The following FGF14 variants were observed in gnomAD, a reference collection of about 807,000 sequenced individuals.
FGF14 encodes fibroblast growth factor 14.
Under a neutral mutation model 25.5 loss-of-function variants are expected in FGF14, and 5 were observed. That is an observed-to-expected ratio of 0.20 (90% CI 0.10 to 0.41). The LOEUF is 0.41. Among genes scored for constraint, FGF14 ranks in the 10% least tolerant of loss-of-function variants. The pLI is 1.00. For synonymous variants in FGF14, 138 were observed against 118.3 expected, an observed-to-expected ratio of 1.17 and a Z score of -1.08; for missense variants, 222 against 320.1, an observed-to-expected ratio of 0.69 and a Z score of 2.34.
At chr13:101,935,495 T>C (rs1436721984) in intron 1 of FGF14, among the ~76,000 whole-genome samples, 1 of 152,212 alleles carries the variant, frequency 6.6e-6, no homozygotes, top group Non-Finnish European at 1.5e-5. Flanking sequence ...GAGCGGTTTC[T>C]CCCATGCTGT....
intron 1 of FGF14, among the ~76,000 whole-genome samples, chr13:102,129,700 G>T (rs976718847): frequency 2.7e-4 from 41 of 152,154 alleles, no homozygotes; most frequent in Middle Eastern, 6.8e-3. Context: ...GATGGGGGTA[G>T]GGGGGAGGGA....
At chr13:102,089,170 CATTT>C (rs1566670931) in intron 1 of FGF14, among the ~76,000 whole-genome samples, 2 of 151,842 alleles carry the variant, frequency 1.3e-5, no homozygotes, top group African/African-American at 2.4e-5. Flanking sequence ...TGTTTGCATT[CATTT>C]GAGTCTAGCG....
intron 1 of FGF14, among the ~76,000 whole-genome samples, chr13:102,380,074 T>A (rs1161271067): frequency 6.6e-6 from 1 of 151,896 alleles, no homozygotes; most frequent in Non-Finnish European, 1.5e-5. Flanking sequence ...TTTCTTAATT[T>A]CTCAGAGCAC....
intron 3 of FGF14, among the ~76,000 whole-genome samples, chr13:101,855,987 T>C (rs1175809832): frequency 1.3e-5 from 2 of 151,602 alleles, no homozygotes; most frequent in African/African-American, 4.8e-5. Context: ...TCTTGTACAA[T>C]GTAATTTTAA....
rs113148775 is a variant in FGF14 at position 101,842,804 on chromosome 13, A to G, written c.408+25921T>C. Among the ~76,000 whole-genome samples, 791 of 152,144 alleles carry G rather than the reference A, an allele frequency of 5.2e-3. 8 individuals carry two copies. Among genetic ancestry groups the G allele is most frequent in the African/African-American group, 0.018 (758 of 41,548 alleles). On this transcript the variant is annotated intron_variant, in intron 3 of 4. Transcript: ENST00000376143. ...TTGTTTCTATTACATCATGCATGCC[A>G]ATCCCCAAATTACTTACAAAAATTA... is the stretch of plus-strand genomic sequence containing the variant.
intron 3 of FGF14, among the ~76,000 whole-genome samples, chr13:101,738,618 G>A (rs1270097007): frequency 6.6e-6 from 1 of 152,112 alleles, no homozygotes; most frequent in East Asian, 1.9e-4. Flanking sequence ...GAGAGACCCT[G>A]AGGAGGGGAG....
intron 3 of FGF14, among the ~76,000 whole-genome samples, chr13:101,738,348 G>C (rs1360350599): frequency 6.6e-6 from 1 of 152,198 alleles, no homozygotes; most frequent in Admixed American, 6.5e-5. Context: ...ACTGGGATAT[G>C]AGGAAATTAA....
chr13:102,205,984 T>TAAAAAAAA (rs36108366), intron 1 of FGF14, among the ~76,000 whole-genome samples: 9 of 47,462 alleles, frequency 1.9e-4, no homozygotes, highest in Admixed American at 3.4e-4. Context: ...CTCCCTGTGG[T>TAAAAAAAA]AAAAAAAAAA....
chr13:102,273,866 G>A (rs563221920), intron 1 of FGF14, among the ~76,000 whole-genome samples: 86 of 151,170 alleles, frequency 5.7e-4, no homozygotes, highest in Non-Finnish European at 1.0e-3. Context: ...TTGAGCCCTG[G>A]AGTTCAAGGC....
upstream of FGF14, among the ~76,000 whole-genome samples, chr13:101,917,077 G>A (rs182730783): frequency 0.025 from 3,779 of 151,540 alleles, 74 homozygotes; most frequent in Non-Finnish European, 0.039. Context: ...GCGCCGGCTG[G>A]AGGGCGGGTC....
At chr13:102,282,170 G>C (rs935740514) in intron 1 of FGF14, among the ~76,000 whole-genome samples, 6 of 151,348 alleles carry the variant, frequency 4.0e-5, no homozygotes, top group African/African-American at 1.2e-4. Context: ...AAGTTCAAGA[G>C]ATTCTCCTGC....
rs2042008770 is a variant in FGF14, at chr13:101,819,510, C to G, written c.408+49215G>C. ...CTATCTTCCATTATATTCTACCTAT[C>G]AGTGATGTAAAAGTAAACTTAAATT... On this transcript the variant is annotated intron_variant, in intron 3 of 4. Transcript: ENST00000376143. Among the ~76,000 whole-genome samples, 3 of 152,080 alleles carry G rather than the reference C, an allele frequency of 2.0e-5. No individual in the cohort carries two copies. The South Asian group carries it at 6.2e-4, about 32-fold the overall frequency.
At chr13:102,251,723 T>C (rs1298268094) in intron 1 of FGF14, among the ~76,000 whole-genome samples, 8 of 152,182 alleles carry the variant, frequency 5.3e-5, no homozygotes, top group Non-Finnish European at 2.9e-5. Flanking sequence ...GTATCCCTCG[T>C]GCTTCAGTGG....
chr13:102,331,615 A>G (rs1017972435), intron 1 of FGF14, among the ~76,000 whole-genome samples: 1 of 152,206 alleles, frequency 6.6e-6, no homozygotes, highest in Non-Finnish European at 1.5e-5. Context: ...GGATTGATTT[A>G]TAGCATTATT....
chr13:102,279,905 T>C (rs543036502), intron 1 of FGF14, among the ~76,000 whole-genome samples: 35 of 152,314 alleles, frequency 2.3e-4, no homozygotes, highest in African/African-American at 8.2e-4. Context: ...CCAAGTCTTC[T>C]CCCTAATATT....
chr13:101,759,898 G>C (rs1192868334), intron 3 of FGF14, among the ~76,000 whole-genome samples: 2 of 152,118 alleles, frequency 1.3e-5, no homozygotes, highest in African/African-American at 4.8e-5. Flanking sequence ...AGTTTCAGAG[G>C]CTGTTTCCCT....
intron 1 of FGF14, among the ~76,000 whole-genome samples, chr13:101,897,269 T>C (rs562038136): frequency 6.6e-6 from 1 of 152,130 alleles, no homozygotes; most frequent in Admixed American, 6.5e-5. Context: ...TTAAGCAGAA[T>C]AGATAGAATT....
chr13:102,399,432 A>AT (rs550399876), intron 1 of FGF14, among the ~76,000 whole-genome samples: 45 of 152,308 alleles, frequency 3.0e-4, no homozygotes, highest in South Asian at 1.7e-3. Flanking sequence ...AAAGACCACC[A>AT]TTTTTGCAGT....
At chr13:102,384,525 C>T (rs780863745) in intron 1 of FGF14, among the ~76,000 whole-genome samples, 18 of 152,128 alleles carry the variant, frequency 1.2e-4, no homozygotes, top group Non-Finnish European at 2.1e-4. Context: ...CTTTCCTACC[C>T]GACTAATCCT....
Sources: gnomAD v4.1 joint callset for allele counts (sites outside exome capture counted in the v4.1 genomes callset) on GRCh38, gnomAD v4.1.1 for gene constraint, MANE v1.5 for transcripts, NCBI Gene and HGNC (gene_info 2026-07-23, HGNC 2026-07-21) for gene names.